Variants in KLHL22 observed in about 807,000 individuals in gnomAD.
The protein encoded by KLHL22 is kelch like family member 22.
Under a neutral mutation model 60.7 loss-of-function variants are expected in KLHL22, and 18 were observed. The ratio of observed to expected loss-of-function variants is 0.30; its 90% confidence interval spans 0.20 to 0.44. The LOEUF is 0.44. KLHL22 is among the 20% of genes least tolerant of loss of function. The pLI, the probability that KLHL22 is intolerant of heterozygous loss-of-function variation, is 1.00. For missense variants in KLHL22, 596 were observed against 852.3 expected (o/e 0.70, Z 3.74); for synonymous variants, 355 against 354.5 (o/e 1.00, Z -0.01).
chr22:20,490,614 T>C (rs1296353940), intron 1 of KLHL22, among the ~76,000 whole-genome samples: 1 of 152,234 alleles, frequency 6.6e-6, no homozygotes, highest in African/African-American at 2.4e-5. Context: ...TAGGGACCAC[T>C]TTCTTGGAAG....
chr22:20,486,182 A>AAG (rs1569145637), intron 2 of KLHL22, among the ~76,000 whole-genome samples: 4 of 151,674 alleles, frequency 2.6e-5, no homozygotes, highest in South Asian at 4.2e-4. Context: ...AAAAAAAAAA[A>AAG]AAAGAAATTT....
chr22:20,485,907 A>G (rs541495075), intron 2 of KLHL22, among the ~76,000 whole-genome samples: 8 of 148,386 alleles, frequency 5.4e-5, no homozygotes, highest in South Asian at 2.1e-4. Flanking sequence ...TGTGGCTCAC[A>G]CCTGTCATCC....
chr22:20,445,074 T>G (rs544319707), intron 6 of KLHL22, among the ~76,000 whole-genome samples: 42 of 151,928 alleles, frequency 2.8e-4, no homozygotes, highest in African/African-American at 8.9e-4. Flanking sequence ...TGTGAGCCAC[T>G]GTGCCCAGCT....
At chr22:20,491,487 C>A (rs2053689849) in intron 1 of KLHL22, 1 of 152,132 alleles carries the variant, frequency 6.6e-6, no homozygotes, top group Non-Finnish European at 1.5e-5. Flanking sequence ...TCTGGAAAGT[C>A]CAAAGATTTT....
Position 20,495,285 on chromosome 22 carries a change from G to A in KLHL22, c.-34+475C>T, listed in dbSNP as rs1192094336. ...TCCGGCTCCTCTCAGGAAACCGGGA[G>A]AGCTGGCAAGGCTGGGCTCCTACGG... is the stretch of plus-strand genomic sequence containing the variant. On this transcript the variant is annotated intron_variant, in intron 1 of 6. Transcript: ENST00000328879. This position sits in a 1 kb window ranked among gnomAD's most constrained non-coding sequence, Gnocchi z 4.6. Among the ~76,000 whole-genome samples, 2 of 152,242 alleles carry A rather than the reference G, an allele frequency of 1.3e-5. No individual in the cohort carries two copies. The highest frequency in any genetic ancestry group is 2.1e-4 in the South Asian group (1 of 4,838).
chr22:20,483,371 C>T lies in KLHL22; in HGVS notation c.227+5614G>A. On this transcript the variant is annotated intron_variant, in intron 2 of 6. Coordinates refer to ENST00000328879, the MANE Select transcript of KLHL22 (RefSeq NM_032775.4). ...GCCTGGATGTCTGCCACGATCTTGG[C>T]AAGGTCCTGAGATTTGGGGGCATCT... 3 of 770,224 alleles carry T rather than the reference C, an allele frequency of 3.9e-6. No homozygotes were observed. The East Asian group carries it at 7.5e-5, about 19-fold the overall frequency. 47.7% of individuals were successfully genotyped at this position (770,224 alleles called of 1,614,324 possible).
At chr22:20,461,824 C>G (rs8140159) in intron 4 of KLHL22, among the ~76,000 whole-genome samples, 1 of 151,572 alleles carries the variant, frequency 6.6e-6, no homozygotes, top group African/African-American at 2.4e-5. Flanking sequence ...AATGGCCGGG[C>G]GTGGTGGCTC....
intron 2 of KLHL22, among the ~76,000 whole-genome samples, chr22:20,485,642 C>T (rs937920433): frequency 1.2e-4 from 18 of 152,144 alleles, no homozygotes; most frequent in East Asian, 1.9e-4. Flanking sequence ...CCAAGGCAGG[C>T]GGATCACCTG....
chr22:20,457,683 G>A lies in KLHL22; in HGVS notation c.1305+125C>T, dbSNP rs1197246515. The A allele has an allele frequency of 1.5e-5, 11 of 709,988 alleles. No homozygotes were observed. In the East Asian group the frequency reaches 2.7e-4, roughly 17 times the overall value. The allele number at this position is 709,988 out of a possible 1,614,324, so 44.0% of individuals were successfully genotyped here. On this transcript the variant is annotated intron_variant, in intron 5 of 6. Transcript: ENST00000328879. The stretch of plus-strand genomic sequence containing the variant: ...AATGCAGGGTCTCTGGAGAAGCATG[G>A]ATTCTGCTCACTGAGCCTGTTTCTC...
chr22:20,475,089 T>C (rs1292768550), intron 2 of KLHL22: 1 of 152,222 alleles, frequency 6.6e-6, no homozygotes, highest in Non-Finnish European at 1.5e-5. Flanking sequence ...TGTTAGACTG[T>C]CTTATCAATT....
intron 4 of KLHL22, among the ~76,000 whole-genome samples, chr22:20,460,608 CCCAAAAAAAAAAAAAAAAA>C (rs2053137368): frequency 2.8e-4 from 9 of 32,684 alleles, no homozygotes; most frequent in Admixed American, 1.0e-3. Context: ...AACTCCATCC[CCCAAAAAAAAAAAAAAAAA>C]AAAAAAAAAA....
intron 2 of KLHL22, among the ~76,000 whole-genome samples, chr22:20,486,012 C>CA (rs1218607532): frequency 5.3e-5 from 8 of 150,096 alleles, no homozygotes; most frequent in Non-Finnish European, 8.9e-5. Flanking sequence ...ACTAAAAATA[C>CA]AAAAAATTAG....
At chr22:20,448,270 G>A (rs567824477) in intron 5 of KLHL22, among the ~76,000 whole-genome samples, 1 of 152,130 alleles carries the variant, frequency 6.6e-6, no homozygotes, top group South Asian at 2.1e-4. Flanking sequence ...GCACAAACAC[G>A]GCACTCAAAG....
chr22:20,472,109 T>C (rs1057372782), intron 2 of KLHL22, among the ~76,000 whole-genome samples: 1 of 151,698 alleles, frequency 6.6e-6, no homozygotes, highest in African/African-American at 2.4e-5. Flanking sequence ...TAGCCGGGCA[T>C]GATGTTGTGC....
chr22:20,487,024 A>T (rs1267432327), intron 2 of KLHL22, among the ~76,000 whole-genome samples: 1 of 151,856 alleles, frequency 6.6e-6, no homozygotes, highest in African/African-American at 2.4e-5. Context: ...GGTTCAAGTG[A>T]TTCTCCTGCC....
intron 3 of KLHL22, 103 bp downstream of exon 3, chr22:20,471,247 T>G (rs751790705): frequency 2.7e-5 from 30 of 1,113,954 alleles, no homozygotes; most frequent in Non-Finnish European, 3.7e-5. Flanking sequence ...CTCACATTCC[T>G]GACCCATCTT....
intron 4 of KLHL22, 131 bp from the exon 5 acceptor site, chr22:20,458,131 T>G: frequency 1.1e-6 from 1 of 902,832 alleles, no homozygotes; most frequent in Non-Finnish European, 1.7e-6. Context: ...CTACCCCACA[T>G]ACCAGTGCAC....
chr22:20,495,602 T>C lies in KLHL22; in HGVS notation c.-34+158A>G, dbSNP rs2053756469. Among the ~76,000 whole-genome samples the C allele has an allele frequency of 6.7e-6, 1 of 149,792 alleles. No homozygotes were observed. On this transcript the variant is annotated intron_variant, in intron 1 of 6. Transcript: ENST00000328879. The surrounding 1 kb of genome is among the most constrained non-coding windows in gnomAD (Gnocchi z 4.6). ...CCCCGCCACGTCAGGCCGCGGGCTC[T>C]CCTCAGGTCGCCGCCCCCGAGCCTC... is the stretch of plus-strand genomic sequence containing the variant.
At position 20,465,609 on chromosome 22, in the gene KLHL22, G is replaced by C. The variant is rs899459775; in HGVS notation, c.394-33C>G. 6 of 1,064,030 alleles carry C rather than the reference G, an allele frequency of 5.6e-6. No individual in the cohort carries two copies. In the South Asian group the frequency reaches 7.5e-5, roughly 13 times the overall value. 65.9% of individuals were successfully genotyped at this position (1,064,030 alleles called of 1,614,324 possible). A position where few individuals can be genotyped will look rare whatever the true frequency, so the allele number is the denominator to read the frequency against. ...GAGAATGACACCCATTCAAGCCTGG[G>C]CTGGTGAACAGCATCTGGGGGTGGG... On this transcript the variant is annotated intron_variant, in intron 3 of 6. Coordinates refer to ENST00000328879, the MANE Select transcript of KLHL22 (RefSeq NM_032775.4). The surrounding 1 kb of genome is among the most constrained non-coding windows in gnomAD (Gnocchi z 4.9).
Sources: gnomAD v4.1 joint callset for allele counts (sites outside exome capture counted in the v4.1 genomes callset) on GRCh38, gnomAD v4.1.1 for gene constraint, Gnocchi (gnomAD v3.1) non-coding constraint, MANE v1.5 for transcripts, NCBI Gene and HGNC (gene_info 2026-07-23, HGNC 2026-07-21) for gene names.